Variants in ROBO1 observed in about 807,000 individuals in gnomAD.
The protein encoded by ROBO1 is roundabout homolog 1.
ROBO1 carries 149 observed loss-of-function variants against 195.9 expected under a neutral mutation model. That is an observed-to-expected ratio of 0.76 (90% CI 0.67 to 0.87). The LOEUF is 0.87. Among genes scored for constraint, ROBO1 ranks in the 40% least tolerant of loss-of-function variants. The probability of loss-of-function intolerance (pLI) is 0.00; values close to 1 mark genes in which losing one functional copy is unlikely to be tolerated. For synonymous variants in ROBO1, 816 were observed against 733.2 expected, an observed-to-expected ratio of 1.11 and a Z score of -1.82; for missense variants, 1,933 against 2,068.3, an observed-to-expected ratio of 0.93 and a Z score of 1.27.
At chr3:79,330,240 C>T (rs2034380149) in intron 2 of ROBO1, among the ~76,000 whole-genome samples, 1 of 145,636 alleles carries the variant, frequency 6.9e-6, no homozygotes, top group Non-Finnish European at 1.5e-5. Context: ...TGCACATGTA[C>T]CCTAGAACTT....
At chr3:79,355,119 T>C (rs1311516785) in intron 2 of ROBO1, among the ~76,000 whole-genome samples, 3 of 151,998 alleles carry the variant, frequency 2.0e-5, no homozygotes, top group African/African-American at 7.3e-5. Flanking sequence ...TGAGCCGAGA[T>C]TGTGCCACTG....
At chr3:79,673,172 T>C (rs1379552928) in intron 1 of ROBO1, among the ~76,000 whole-genome samples, 1 of 152,046 alleles carries the variant, frequency 6.6e-6, no homozygotes, top group Non-Finnish European at 1.5e-5. Flanking sequence ...ATTTGTTGTT[T>C]TATGTAACAA....
At chr3:79,709,764 T>A (rs75473467) in intron 1 of ROBO1, among the ~76,000 whole-genome samples, 1,963 of 151,968 alleles carry the variant, frequency 0.013, 24 homozygotes, top group Middle Eastern at 0.034. Context: ...TAGGAGCCTT[T>A]GGTGGTAATT....
intron 4 of ROBO1, among the ~76,000 whole-genome samples, chr3:78,798,194 A>G (rs1408439864): frequency 6.6e-6 from 1 of 152,190 alleles, no homozygotes; most frequent in East Asian, 1.9e-4. Context: ...AGTACAGAAT[A>G]TAGTGTATTA....
At chr3:78,987,693 A>G (rs2077141864) in intron 3 of ROBO1, among the ~76,000 whole-genome samples, 1 of 152,140 alleles carries the variant, frequency 6.6e-6, no homozygotes, top group Non-Finnish European at 1.5e-5. Context: ...CTAGTATTTC[A>G]TAGCAAAACA....
intron 4 of ROBO1, among the ~76,000 whole-genome samples, chr3:78,828,930 A>C (rs540032968): frequency 2.2e-4 from 34 of 152,354 alleles, no homozygotes; most frequent in African/African-American, 7.9e-4. Flanking sequence ...ATAGAAAAAA[A>C]ACTTTCATAT....
intron 28 of ROBO1, among the ~76,000 whole-genome samples, chr3:78,613,134 T>C (rs868029394): frequency 3.3e-5 from 5 of 152,192 alleles, no homozygotes; most frequent in African/African-American, 1.2e-4. Context: ...GCTTACATTA[T>C]TTAAAACATT....
chr3:79,262,376 C>T (rs1455523728), intron 2 of ROBO1, among the ~76,000 whole-genome samples: 5 of 152,036 alleles, frequency 3.3e-5, no homozygotes, highest in Non-Finnish European at 7.4e-5. Context: ...TGGTAGATAA[C>T]TTTAAGTGCT....
chr3:78,659,585 T>C, intron 17 of ROBO1, 101 bp downstream of exon 17: 1 of 868,756 alleles, frequency 1.2e-6, no homozygotes, highest in Non-Finnish European at 1.6e-6. Context: ...GACCAGCAGA[T>C]GGCGCCAAAT....
chr3:79,595,816 G>T (rs1235497639), intron 1 of ROBO1, among the ~76,000 whole-genome samples: 11 of 151,412 alleles, frequency 7.3e-5, no homozygotes, highest in African/African-American at 2.7e-4. Flanking sequence ...GCCTCTGGAA[G>T]TGTTGGGATT....
At chr3:79,658,971 G>A (rs1037274270) in intron 1 of ROBO1, among the ~76,000 whole-genome samples, 2 of 151,728 alleles carry the variant, frequency 1.3e-5, no homozygotes, top group East Asian at 3.9e-4. Flanking sequence ...TCCTGACATC[G>A]TGGTTCACCC....
Position 79,499,521 on chromosome 3 carries a change from C to G in ROBO1, c.88+90303G>C, listed in dbSNP as rs1939939573. Among the ~76,000 whole-genome samples, 3 of 152,180 alleles carry G rather than the reference C, an allele frequency of 2.0e-5. No individual in the cohort carries two copies. The South Asian group carries it at 6.2e-4, about 32-fold the overall frequency. ...TATTTTACATTGTGGTATATACTGTCTATGGATTAAACAATCACAACCTTT... is the reference window on the plus strand; with the variant it reads ...TATTTTACATTGTGGTATATACTGTGTATGGATTAAACAATCACAACCTTT... On this transcript the variant is annotated intron_variant, in intron 2 of 30. Transcript: ENST00000464233.
intron 2 of ROBO1, among the ~76,000 whole-genome samples, chr3:79,159,152 GC>G (rs2080910353): frequency 6.6e-6 from 1 of 151,898 alleles, no homozygotes; most frequent in Non-Finnish European, 1.5e-5. Flanking sequence ...AAGAGCTAAC[GC>G]ATCTTAGCTA....
chr3:78,661,508 A>C (rs1277222663), intron 15 of ROBO1, among the ~76,000 whole-genome samples: 1 of 152,162 alleles, frequency 6.6e-6, no homozygotes, highest in Admixed American at 6.5e-5. Flanking sequence ...AATACTGAAA[A>C]AATTCCACTA....
chr3:78,714,605 G>A (rs2081854361), intron 7 of ROBO1, 81 bp from the exon 8 acceptor site: 1 of 1,258,996 alleles, frequency 7.9e-7, no homozygotes, highest in Non-Finnish European at 1.1e-6. Flanking sequence ...ATGCTTCAAA[G>A]CACATGCTAC....
intron 4 of ROBO1, among the ~76,000 whole-genome samples, chr3:78,808,043 T>A (rs1366767444): frequency 3.3e-5 from 5 of 152,176 alleles, no homozygotes; most frequent in Non-Finnish European, 5.9e-5. Flanking sequence ...ATGAGACTTT[T>A]ATGAGAGTTA....
chr3:79,436,751 T>C (rs1244206013), intron 2 of ROBO1, among the ~76,000 whole-genome samples: 1 of 152,076 alleles, frequency 6.6e-6, no homozygotes, highest in Non-Finnish European at 1.5e-5. Flanking sequence ...TTCTTAATTT[T>C]GATCATTCCA....
At chr3:79,580,577 TA>T (rs1350244797) in intron 2 of ROBO1, among the ~76,000 whole-genome samples, 1 of 152,120 alleles carries the variant, frequency 6.6e-6, no homozygotes, top group Non-Finnish European at 1.5e-5. Context: ...AAAAGTTTGT[TA>T]CTTTATATCA....
chr3:79,391,287 C>T (rs940904765), intron 2 of ROBO1, among the ~76,000 whole-genome samples: 3 of 151,858 alleles, frequency 2.0e-5, no homozygotes, highest in Non-Finnish European at 4.4e-5. Flanking sequence ...ACTGAGACTC[C>T]ATCTCAAATA....
Sources: gnomAD v4.1 joint callset for allele counts (sites outside exome capture counted in the v4.1 genomes callset) on GRCh38, gnomAD v4.1.1 for gene constraint, MANE v1.5 for transcripts, NCBI Gene and HGNC (gene_info 2026-07-23, HGNC 2026-07-21) for gene names.